The following CALN1 variants were observed in gnomAD, a reference collection of about 807,000 sequenced individuals.
CALN1 encodes calcium-binding protein 8.
A neutral mutation model predicts 30.6 loss-of-function variants in CALN1; 17 were observed. The observed-to-expected ratio is 0.56, with a 90% CI of 0.38 to 0.83. The LOEUF is 0.83. Ranked by LOEUF, CALN1 falls within the 40% of genes least tolerant of loss-of-function variation. CALN1 has a pLI of 0.00. For missense variants in CALN1, 291 were observed against 354.9 expected, an observed-to-expected ratio of 0.82 and a Z score of 1.45; for synonymous variants, 156 against 131.4, an observed-to-expected ratio of 1.19 and a Z score of -1.28.
chr7:71,919,084 T>C (rs2117043086), intron 5 of CALN1, among the ~76,000 whole-genome samples: 1 of 152,350 alleles, frequency 6.6e-6, no homozygotes, highest in South Asian at 2.1e-4. Flanking sequence ...ATCATTCATT[T>C]AAAGCCAATT....
chr7:72,138,285 G>C (rs1015314105), intron 3 of CALN1, among the ~76,000 whole-genome samples: 10 of 151,388 alleles, frequency 6.6e-5, no homozygotes, highest in African/African-American at 2.4e-4. Context: ...TTTTTATTTT[G>C]GATTTTTTTT....
chr7:72,367,772 C>A (rs993892627), intron 2 of CALN1, among the ~76,000 whole-genome samples: 4 of 152,092 alleles, frequency 2.6e-5, no homozygotes, highest in Non-Finnish European at 5.9e-5. Context: ...GAGTTCCAGG[C>A]TGGAAGAAGC....
intron 2 of CALN1, among the ~76,000 whole-genome samples, chr7:72,296,290 T>A (rs1316395981): frequency 6.8e-6 from 1 of 147,106 alleles, no homozygotes; most frequent in East Asian, 2.0e-4. Flanking sequence ...GATTTTTGCA[T>A]CAATGTTCAT....
intron 3 of CALN1, among the ~76,000 whole-genome samples, chr7:72,215,676 A>C (rs1792746133): frequency 6.6e-6 from 1 of 152,242 alleles, no homozygotes; most frequent in African/African-American, 2.4e-5. Context: ...ATACTGCAAA[A>C]GACTTGAAAT....
At chr7:71,873,198 T>C (rs941874956) in intron 5 of CALN1, among the ~76,000 whole-genome samples, 6 of 151,820 alleles carry the variant, frequency 4.0e-5, no homozygotes, top group Non-Finnish European at 2.9e-5. Context: ...GAGACAGGGT[T>C]TCACCACGTT....
chr7:71,858,199 G>T, intron 5 of CALN1, among the ~76,000 whole-genome samples: 1 of 152,120 alleles, frequency 6.6e-6, no homozygotes, highest in South Asian at 2.1e-4. Flanking sequence ...TTTTGTAAAT[G>T]GCTTTCCCCT....
chr7:71,803,148 T>C (rs1248542496), intron 6 of CALN1, among the ~76,000 whole-genome samples: 1 of 152,216 alleles, frequency 6.6e-6, no homozygotes, highest in Non-Finnish European at 1.5e-5. Flanking sequence ...ATTCTCATGA[T>C]ACTGGGGACA....
At chr7:72,175,558 C>T (rs1446245109) in intron 3 of CALN1, among the ~76,000 whole-genome samples, 2 of 152,052 alleles carry the variant, frequency 1.3e-5, no homozygotes, top group Non-Finnish European at 2.9e-5. Context: ...TTGGAGATGG[C>T]AAACTTCATC....
At chr7:72,090,140 A>G (rs1037365378) in intron 4 of CALN1, among the ~76,000 whole-genome samples, 1 of 152,136 alleles carries the variant, frequency 6.6e-6, no homozygotes, top group East Asian at 1.9e-4. Context: ...TCTACTAAAA[A>G]AAAGTACAAA....
At chr7:72,051,242 G>A (rs1319520014) in intron 4 of CALN1, among the ~76,000 whole-genome samples, 1 of 151,706 alleles carries the variant, frequency 6.6e-6, no homozygotes, top group Non-Finnish European at 1.5e-5. Context: ...TTGACAAATC[G>A]AATCCAGAAA....
rs879287643 is a variant in CALN1, at chr7:71,787,266, G to A, written c.*509C>T. The A allele has an allele frequency of 1.3e-5, 2 of 157,168 alleles. No individual in the cohort carries two copies. Among genetic ancestry groups the A allele is most frequent in the Non-Finnish European group, 2.8e-5 (2 of 70,478 alleles). The allele number at this position is 157,168 out of a possible 1,614,324, so 9.7% of individuals were successfully genotyped here. Reference sequence around the variant, plus strand: ...TTGGGGGGGTCTCCACTGGGTGGAGGAAGGAAGCCAGGGTGGGATGGAAAG... The same window carrying A: ...TTGGGGGGGTCTCCACTGGGTGGAGAAAGGAAGCCAGGGTGGGATGGAAAG... On this transcript the variant is annotated 3_prime_UTR_variant, in exon 7 of 7. Coordinates refer to ENST00000395275, the MANE Select transcript of CALN1 (RefSeq NM_031468.4).
At chr7:72,063,103 T>C (rs1158410987) in intron 4 of CALN1, among the ~76,000 whole-genome samples, 2 of 152,158 alleles carry the variant, frequency 1.3e-5, no homozygotes, top group Admixed American at 6.5e-5. Flanking sequence ...AAGGTTTTCT[T>C]TGGTGTCAAA....
At chr7:72,330,742 T>C (rs11768943) in intron 2 of CALN1, among the ~76,000 whole-genome samples, 6,291 of 152,282 alleles carry the variant, frequency 0.041, 354 homozygotes, top group East Asian at 0.26. Flanking sequence ...CCTACTTAAA[T>C]AGGTCTTATT....
Position 72,106,241 on chromosome 7 carries a change from T to G in CALN1, c.298A>C (p.Lys100Gln). 1.2e-6 allele frequency: 2 copies of G among 1,613,982 alleles called. No individual in the cohort carries two copies. Among genetic ancestry groups the G allele is most frequent in the Non-Finnish European group, 1.7e-6 (2 of 1,179,990 alleles). Residue 100 changes from lysine (K) to glutamine (Q), a missense_variant, in exon 4 of 7, where the codon AAG (lysine) becomes CAG (glutamine). This residue lies in a region of CALN1 where 169 missense variants were observed against 251.7 expected (regional missense o/e 0.67). Transcript: ENST00000395275. ...LDRDGNGFIS[K>Q]QELGMAMRSL... Reference sequence around the variant, plus strand: ...CGCATGGCCATGCCCAGCTCCTGCTTGGAGATGAAGCCGTTCCCATCCCGG... The same window carrying G: ...CGCATGGCCATGCCCAGCTCCTGCTGGGAGATGAAGCCGTTCCCATCCCGG...
chr7:71,955,712 T>G (rs959275739), intron 5 of CALN1, among the ~76,000 whole-genome samples: 3 of 152,048 alleles, frequency 2.0e-5, no homozygotes, highest in Non-Finnish European at 4.4e-5. Context: ...CCTGGCTCAA[T>G]AAGCCCCTGA....
At chr7:72,147,720 T>A (rs1001274193) in intron 3 of CALN1, among the ~76,000 whole-genome samples, 4 of 152,038 alleles carry the variant, frequency 2.6e-5, no homozygotes, top group African/African-American at 9.7e-5. Flanking sequence ...AATGATAGAC[T>A]GGATTAAGAA....
intron 3 of CALN1, among the ~76,000 whole-genome samples, chr7:72,164,365 AAAAGAAG>A (rs1202894517): frequency 2.2e-5 from 2 of 92,978 alleles, no homozygotes; most frequent in Non-Finnish European, 3.1e-5. Context: ...AAAAAAAAAA[AAAAGAAG>A]AAGAAGAAGA....
chr7:71,810,807 G>C (rs1313213660), intron 5 of CALN1, among the ~76,000 whole-genome samples: 1 of 151,926 alleles, frequency 6.6e-6, no homozygotes, highest in East Asian at 1.9e-4. Flanking sequence ...ACTTTAGAAT[G>C]GTGAAACCCT....
In CALN1 at chr7:72,271,575, A is replaced by AATATATATATATATATATAT. The variant is rs1410679506; in HGVS notation, c.244+7110_244+7111insATATATATATATATATATAT. 6.3e-4 allele frequency among the ~76,000 whole-genome samples: 33 copies of AATATATATATATATATATAT among 52,070 alleles called. 2 individuals carry two copies. The highest frequency in any genetic ancestry group is 5.8e-3 in the South Asian group (5 of 862). 34.2% of individuals were successfully genotyped at this position (52,070 alleles called of 152,430 possible). On this transcript the variant is annotated intron_variant, in intron 3 of 6. Coordinates refer to ENST00000395275, the MANE Select transcript of CALN1 (RefSeq NM_031468.4). ...CTGTGCCTGCCTTTTAAAAAAAAAA[A>AATATATATATATATATATAT]ATATATATATATATATATAGTTTTC...
Sources: allele counts gnomAD v4.1 joint callset (sites outside exome capture counted in the v4.1 genomes callset), GRCh38; gene constraint gnomAD v4.1.1; regional missense constraint gnomAD v4.1.1; transcripts MANE v1.5; gene names NCBI Gene and HGNC (gene_info 2026-07-23, HGNC 2026-07-21).